The following SH3D19 variants were observed in gnomAD, a reference collection of about 807,000 sequenced individuals.
SH3D19 encodes SH3 domain-containing protein 19.
In SH3D19, 58 loss-of-function variants were observed where a neutral mutation model predicts 112.1. The observed-to-expected ratio is 0.52, with a 90% CI of 0.42 to 0.64. The LOEUF is 0.64. Among genes scored for constraint, SH3D19 ranks in the 30% least tolerant of loss-of-function variants. The pLI is 0.00. For missense variants in SH3D19, 1,090 were observed against 1,263.4 expected, an observed-to-expected ratio of 0.86 and a Z score of 2.08; for synonymous variants, 391 against 448.5, an observed-to-expected ratio of 0.87 and a Z score of 1.62.
chr4:151,269,332 C>A (rs1055416713), intron 1 of SH3D19, among the ~76,000 whole-genome samples: 5 of 152,042 alleles, frequency 3.3e-5, no homozygotes, highest in African/African-American at 7.2e-5. Flanking sequence ...ATTGTAGATT[C>A]TGGATATTAG....
At chr4:151,277,361 C>CTA in intron 1 of SH3D19, 1 of 529,986 alleles carries the variant, frequency 1.9e-6, no homozygotes, top group Non-Finnish European at 3.0e-6. Context: ...TGAGAGGCTA[C>CTA]TATATACCCA....
chr4:151,145,537 A>G (rs931623832), intron 11 of SH3D19, among the ~76,000 whole-genome samples: 1 of 152,154 alleles, frequency 6.6e-6, no homozygotes, highest in East Asian at 1.9e-4. Flanking sequence ...CAAATCCTTT[A>G]AAACTGCCCC....
At chr4:151,145,081 C>T (rs1004446188) in intron 11 of SH3D19, among the ~76,000 whole-genome samples, 5 of 152,188 alleles carry the variant, frequency 3.3e-5, no homozygotes, top group African/African-American at 1.2e-4. Context: ...ACATCTTTGT[C>T]AGATTCCTAG....
intron 1 of SH3D19, among the ~76,000 whole-genome samples, chr4:151,286,806 C>T (rs1333148327): frequency 6.6e-6 from 1 of 151,474 alleles, no homozygotes; most frequent in Non-Finnish European, 1.5e-5. Flanking sequence ...GTGGCAAAAC[C>T]CCATCTCTAC....
chr4:151,176,526 T>C lies in SH3D19; in HGVS notation c.529+8A>G. 3.2e-6 allele frequency: 4 copies of C among 1,232,126 alleles called. No homozygotes were observed. The highest frequency in any genetic ancestry group is 4.0e-6 in the Non-Finnish European group (4 of 987,914). 76.3% of individuals were successfully genotyped at this position (1,232,126 alleles called of 1,614,324 possible). ...TCAGAATTAGGGAAGACAAATTACT[T>C]GCATTACTTTGAGGCAGATCGTTGT... On this transcript the variant is annotated splice_region_variant and intron_variant, in intron 6 of 19. Transcript: ENST00000604030.
chr4:151,253,123 C>T lies in SH3D19; in HGVS notation c.113-27037G>A, dbSNP rs142550642. ...TTCCCATACTACTAAGAATAAAAAC[C>T]GAAGTCCTCACAATAGCCTGCAAGA... On this transcript the variant is annotated intron_variant, in intron 1 of 19. Coordinates refer to ENST00000604030, the MANE Select transcript of SH3D19 (RefSeq NM_001378122.1). Among the ~76,000 whole-genome samples, 904 of 152,292 alleles carry T rather than the reference C, an allele frequency of 5.9e-3. 10 individuals are homozygous for T. Among genetic ancestry groups the T allele is most frequent in the African/African-American group, 0.021 (856 of 41,552 alleles).
chr4:151,129,590 G>C (rs921585679), intron 17 of SH3D19, among the ~76,000 whole-genome samples: 3 of 152,102 alleles, frequency 2.0e-5, no homozygotes, highest in Non-Finnish European at 4.4e-5. Context: ...GGCTGGTCTC[G>C]AACTCCTGGC....
chr4:151,153,075 C>G (rs934613722), intron 9 of SH3D19, among the ~76,000 whole-genome samples: 2 of 151,176 alleles, frequency 1.3e-5, no homozygotes, highest in African/African-American at 2.4e-5. Context: ...ACCTCATGAT[C>G]CATCCACCTC....
intron 1 of SH3D19, among the ~76,000 whole-genome samples, chr4:151,310,694 G>A (rs1729366362): frequency 6.6e-6 from 1 of 151,164 alleles, no homozygotes; most frequent in South Asian, 2.1e-4. Context: ...GCCTTGGCCT[G>A]CTGAGTAGCT....
intron 1 of SH3D19, among the ~76,000 whole-genome samples, chr4:151,254,814 C>A (rs575410026): frequency 6.6e-6 from 1 of 151,986 alleles, no homozygotes; most frequent in Admixed American, 6.5e-5. Context: ...GTCATCCTGG[C>A]CCGTTCTCAA....
chr4:151,245,109 A>C (rs948094881), intron 1 of SH3D19, among the ~76,000 whole-genome samples: 3 of 151,992 alleles, frequency 2.0e-5, no homozygotes, highest in African/African-American at 7.2e-5. Flanking sequence ...ACGCCACTAC[A>C]CTCCAGCCTG....
At chr4:151,191,962 T>TTTTTC (rs1762733974) in intron 2 of SH3D19, among the ~76,000 whole-genome samples, 5 of 142,448 alleles carry the variant, frequency 3.5e-5, no homozygotes, top group Admixed American at 1.4e-4. Context: ...TTTTTTTTTT[T>TTTTTC]TGATACAGAG....
chr4:151,285,184 T>C (rs1466650897), intron 1 of SH3D19, among the ~76,000 whole-genome samples: 1 of 152,178 alleles, frequency 6.6e-6, no homozygotes, highest in Non-Finnish European at 1.5e-5. Context: ...CTTCAGAGAG[T>C]AGCCTTTTAT....
intron 1 of SH3D19, among the ~76,000 whole-genome samples, chr4:151,264,443 A>AC (rs1772617723): frequency 6.7e-6 from 1 of 149,140 alleles, no homozygotes; most frequent in African/African-American, 2.5e-5. Context: ...AAAAAAAAAA[A>AC]ACCAAACAAA....
At chr4:151,321,094 CTTAATG>C (rs1730488442) in intron 1 of SH3D19, among the ~76,000 whole-genome samples, 1 of 152,114 alleles carries the variant, frequency 6.6e-6, no homozygotes, top group Non-Finnish European at 1.5e-5. Context: ...ATCTTACAAA[CTTAATG>C]TTGAGTGAAA....
intron 9 of SH3D19, 41 bp downstream of exon 9, chr4:151,159,199 G>T: frequency 8.9e-7 from 1 of 1,125,338 alleles, no homozygotes; most frequent in Non-Finnish European, 1.3e-6. Context: ...TTAATGCATA[G>T]CTACGTCTTC....
chr4:151,174,708 T>C lies in SH3D19; in HGVS notation c.1496A>G (p.Asn499Ser), dbSNP rs985375312. ...DDDVLPTPSG[N>S]LAEESVGSEM... ...TGAACCAACAGATTCTTCAGCCAGG[T>C]TCCCCGATGGGGTGGGCAAAACATC... The change falls in exon 7 of 20, where the codon AAC (asparagine) becomes AGC (serine). Residue 499 changes from asparagine (N) to serine (S), a missense_variant. Physicochemically the swap from Asn to Ser is conservative, Grantham distance 46. Transcript: ENST00000604030. The C allele has an allele frequency of 2.6e-6, 4 of 1,514,400 alleles. No homozygotes were observed. The highest frequency in any genetic ancestry group is 2.6e-6 in the Non-Finnish European group (3 of 1,133,156). 93.8% of individuals were successfully genotyped at this position (1,514,400 alleles called of 1,614,324 possible).
chr4:151,290,778 T>C (rs1775248400), intron 1 of SH3D19, among the ~76,000 whole-genome samples: 1 of 152,204 alleles, frequency 6.6e-6, no homozygotes, highest in African/African-American at 2.4e-5. Context: ...TACTTAACAC[T>C]AAACAAGAGC....
chr4:151,263,238 G>A (rs1772515331), intron 1 of SH3D19, among the ~76,000 whole-genome samples: 1 of 152,172 alleles, frequency 6.6e-6, no homozygotes, highest in Admixed American at 6.5e-5. Flanking sequence ...AAGTGCAGAA[G>A]CAGAGAACTT....
Sources: allele counts gnomAD v4.1 joint callset (sites outside exome capture counted in the v4.1 genomes callset), GRCh38; gene constraint gnomAD v4.1.1; transcripts MANE v1.5; gene names NCBI Gene and HGNC (gene_info 2026-07-23, HGNC 2026-07-21).